The following NECAB1 variants were observed in gnomAD, a reference collection of about 807,000 sequenced individuals.
NECAB1 encodes the protein N-terminal EF-hand calcium-binding protein 1.
NECAB1 carries 29 observed loss-of-function variants against 57.5 expected under a neutral mutation model. The ratio of observed to expected loss-of-function variants is 0.50; its 90% CI spans 0.38 to 0.69. NECAB1 has a LOEUF of 0.69. Among genes scored for constraint, NECAB1 ranks in the 30% least tolerant of loss-of-function variants. NECAB1 has a pLI of 0.00. For synonymous variants in NECAB1, 142 were observed against 147.7 expected, an observed-to-expected ratio of 0.96 and a Z score of 0.28; for missense variants, 372 against 413.8, an observed-to-expected ratio of 0.90 and a Z score of 0.88.
intron 2 of NECAB1, 48 bp downstream of exon 2, chr8:90,801,763 A>C: frequency 1.7e-6 from 2 of 1,183,636 alleles, no homozygotes; most frequent in Non-Finnish European, 2.4e-6. Flanking sequence ...CTTACATTTT[A>C]TATTACCTTA....
intron 5 of NECAB1, among the ~76,000 whole-genome samples, chr8:90,914,016 G>A (rs572722082): frequency 1.3e-5 from 2 of 152,314 alleles, no homozygotes; most frequent in African/African-American, 4.8e-5. Context: ...GAGGCAGGTG[G>A]TGACCAGCCA....
chr8:90,821,390 A>G (rs774355129), intron 2 of NECAB1, among the ~76,000 whole-genome samples: 4 of 151,852 alleles, frequency 2.6e-5, no homozygotes, highest in Non-Finnish European at 5.9e-5. Context: ...AAATCTCTTT[A>G]TCACAATTTT....
At chr8:90,887,423 G>T (rs1809032601) in intron 5 of NECAB1, among the ~76,000 whole-genome samples, 1 of 152,182 alleles carries the variant, frequency 6.6e-6, no homozygotes, top group East Asian at 1.9e-4. Context: ...TAAAAAGCTT[G>T]AGTAGCAAAA....
chr8:90,830,336 G>A (rs542787593), intron 3 of NECAB1, among the ~76,000 whole-genome samples: 9 of 152,046 alleles, frequency 5.9e-5, no homozygotes, highest in Non-Finnish European at 1.2e-4. Context: ...GAATAGAGCA[G>A]GCCACAGTCC....
chr8:90,817,722 T>A (rs1812081522), intron 2 of NECAB1, among the ~76,000 whole-genome samples: 1 of 151,916 alleles, frequency 6.6e-6, no homozygotes, highest in African/African-American at 2.4e-5. Context: ...AATATTTTGT[T>A]GAGAATTTTT....
intron 4 of NECAB1, among the ~76,000 whole-genome samples, chr8:90,875,280 G>T (rs1302613518): frequency 6.6e-6 from 1 of 151,308 alleles, no homozygotes; most frequent in Admixed American, 6.6e-5. Flanking sequence ...AGGAGATCGA[G>T]ACCATCCTGG....
At chr8:90,844,476 T>C (rs1812518754) in intron 3 of NECAB1, among the ~76,000 whole-genome samples, 1 of 152,190 alleles carries the variant, frequency 6.6e-6, no homozygotes, top group Non-Finnish European at 1.5e-5. Context: ...CAGATATGTC[T>C]GCTGCTCCCC....
At chr8:90,794,348 AT>A (rs1175289106) in intron 1 of NECAB1, among the ~76,000 whole-genome samples, 1 of 152,188 alleles carries the variant, frequency 6.6e-6, no homozygotes, top group East Asian at 1.9e-4. Flanking sequence ...AGCAAGAAAG[AT>A]TACTTTTAAA....
chr8:90,828,327 G>C (rs1388683557), intron 3 of NECAB1, among the ~76,000 whole-genome samples: 3 of 151,980 alleles, frequency 2.0e-5, no homozygotes, highest in Non-Finnish European at 4.4e-5. Flanking sequence ...CTTAATCATA[G>C]AGAATGTTTT....
intron 6 of NECAB1, among the ~76,000 whole-genome samples, chr8:90,921,958 TGAGA>T (rs1030204515): frequency 2.6e-5 from 4 of 152,244 alleles, no homozygotes; most frequent in African/African-American, 9.6e-5. Flanking sequence ...AATGGATATT[TGAGA>T]GAGAAAGGAT....
chr8:90,917,870 A>ATATATATATATATATATGTGTG lies in NECAB1; in HGVS notation c.494+243_494+244insATATATATATATATATGTGTGT, dbSNP rs1554575432. ...TATATATATATATATATATATATAT[A>ATATATATATATATATATGTGTG]TGTGTGTGTGTGCGTGTATATATAT... On this transcript the variant is annotated intron_variant, in intron 6 of 12. Coordinates refer to ENST00000417640, the MANE Select transcript of NECAB1 (RefSeq NM_022351.5). Among the ~76,000 whole-genome samples the ATATATATATATATATATGTGTG allele has an allele frequency of 5.7e-3, 366 of 64,190 alleles. 9 individuals carry two copies. Among genetic ancestry groups the ATATATATATATATATATGTGTG allele is most frequent in the East Asian group, 0.021 (18 of 864 alleles). 42.1% of individuals were successfully genotyped at this position (64,190 alleles called of 152,430 possible).
chr8:90,803,400 A>C (rs917852060), intron 2 of NECAB1, among the ~76,000 whole-genome samples: 2 of 152,022 alleles, frequency 1.3e-5, no homozygotes, highest in African/African-American at 4.8e-5. Flanking sequence ...CCAAGCTCCT[A>C]GTTTTCTCAG....
In NECAB1 at chr8:90,955,860, G is replaced by T; in HGVS notation, c.*348G>T. 1 of 195,088 alleles carries T rather than the reference G, an allele frequency of 5.1e-6. No individual in the cohort carries two copies. The highest frequency in any genetic ancestry group is 1.0e-5 in the Non-Finnish European group (1 of 96,522). 12.1% of individuals were successfully genotyped at this position (195,088 alleles called of 1,614,324 possible). A position where few individuals can be genotyped will look rare whatever the true frequency, so the allele number is the denominator to read the frequency against. On this transcript the variant is annotated 3_prime_UTR_variant, in exon 13 of 13. Coordinates refer to ENST00000417640, the MANE Select transcript of NECAB1 (RefSeq NM_022351.5). ...TGTTATGATAAAGAAAAAATAAAGT[G>T]GAAACTTTTAGAGTATTACTTCATA...
At chr8:90,889,455 G>T (rs1809096285) in intron 5 of NECAB1, among the ~76,000 whole-genome samples, 1 of 152,188 alleles carries the variant, frequency 6.6e-6, no homozygotes, top group South Asian at 2.1e-4. Flanking sequence ...TTATGGCTGA[G>T]AAGACAGAAA....
intron 8 of NECAB1, among the ~76,000 whole-genome samples, chr8:90,932,741 T>A (rs1416129896): frequency 6.6e-6 from 1 of 152,198 alleles, no homozygotes; most frequent in East Asian, 1.9e-4. Flanking sequence ...TTTCAGATAG[T>A]CTGGATTTCT....
rs5893141 is a variant in NECAB1, at chr8:90,875,844, C to CAAAAAAAAAAAAAAAAAAAAAAAAA, written c.259+3708_259+3709insAAAAAAAAAAAAAAAAAAAAAAAAA. Reference sequence around the variant, plus strand: ...TGAAACCCCATCTCTACTAAAAATACAAAAAAAAAAAAAAAAATTACCGGG... The same window carrying CAAAAAAAAAAAAAAAAAAAAAAAAA: ...TGAAACCCCATCTCTACTAAAAATACAAAAAAAAAAAAAAAAAAAAAAAAAAAAAAAAAAAAAAAAAATTACCGGG... On this transcript the variant is annotated intron_variant, in intron 4 of 12. Coordinates refer to ENST00000417640, the MANE Select transcript of NECAB1 (RefSeq NM_022351.5). Among the ~76,000 whole-genome samples the CAAAAAAAAAAAAAAAAAAAAAAAAA allele has an allele frequency of 4.5e-5, 4 of 88,410 alleles. 1 individual carries two copies. Among genetic ancestry groups the CAAAAAAAAAAAAAAAAAAAAAAAAA allele is most frequent in the East Asian group, 3.0e-4 (1 of 3,296 alleles). 58.0% of individuals were successfully genotyped at this position (88,410 alleles called of 152,430 possible). A position where few individuals can be genotyped will look rare whatever the true frequency, so the allele number is the denominator to read the frequency against.
At chr8:90,849,833 A>G (rs1408741199) in intron 3 of NECAB1, among the ~76,000 whole-genome samples, 1 of 151,884 alleles carries the variant, frequency 6.6e-6, no homozygotes, top group Non-Finnish European at 1.5e-5. Flanking sequence ...ACACTATTAC[A>G]TATTTTTAAC....
intron 3 of NECAB1, among the ~76,000 whole-genome samples, chr8:90,871,695 T>A (rs1396469035): frequency 2.0e-5 from 3 of 152,152 alleles, no homozygotes. Flanking sequence ...CTTTATGTAT[T>A]AATTCATTTA....
At chr8:90,817,742 T>G (rs1812081765) in intron 2 of NECAB1, among the ~76,000 whole-genome samples, 1 of 151,942 alleles carries the variant, frequency 6.6e-6, no homozygotes, top group Non-Finnish European at 1.5e-5. Context: ...TGCATTTATG[T>G]TCATTAGCTA....
Sources: allele counts gnomAD v4.1 joint callset (sites outside exome capture counted in the v4.1 genomes callset), GRCh38; gene constraint gnomAD v4.1.1; transcripts MANE v1.5; gene names NCBI Gene and HGNC (gene_info 2026-07-23, HGNC 2026-07-21).